The following PCDHA4 variants were observed in gnomAD, a reference collection of about 807,000 sequenced individuals.
PCDHA4 encodes the protein protocadherin alpha-4.
In PCDHA4, 49 loss-of-function variants were observed where a neutral mutation model predicts 61.4. That is an observed-to-expected ratio of 0.80 (90% CI 0.63 to 1.01). The LOEUF (loss-of-function observed/expected upper bound fraction) is 1.01. Among genes scored for constraint, PCDHA4 ranks in the 50% least tolerant of loss-of-function variants. PCDHA4 has a pLI of 0.00. For missense variants in PCDHA4, 1,254 were observed against 1,235.8 expected (o/e 1.01, Z -0.22); for synonymous variants, 590 against 550.3 (o/e 1.07, Z -1.01).
chr5:140,987,225 A>AT (rs1451600480), intron 3 of PCDHA4, among the ~76,000 whole-genome samples: 11 of 143,044 alleles, frequency 7.7e-5, no homozygotes, highest in Non-Finnish European at 1.0e-4. Context: ...AAAAAAAAAA[A>AT]AATAATAAAT....
At chr5:140,837,346 A>G (rs1387832105) in intron 1 of PCDHA4, among the ~76,000 whole-genome samples, 2 of 152,056 alleles carry the variant, frequency 1.3e-5, no homozygotes, top group African/African-American at 2.4e-5. Context: ...AATTTAAAAT[A>G]GTTTAAATGG....
intron 1 of PCDHA4, among the ~76,000 whole-genome samples, chr5:140,840,497 T>C (rs2150307403): frequency 3.9e-5 from 6 of 152,088 alleles, no homozygotes; most frequent in African/African-American, 1.2e-4. Context: ...TTCTGGTAAA[T>C]ACTCACTTTT....
chr5:140,885,469 C>T (rs1338782835), intron 1 of PCDHA4, among the ~76,000 whole-genome samples: 1 of 152,156 alleles, frequency 6.6e-6, no homozygotes, highest in Admixed American at 6.5e-5. Flanking sequence ...GATGGGCAAT[C>T]ACTTTGTGTC....
chr5:140,882,656 C>T, intron 1 of PCDHA4: 1 of 1,614,192 alleles, frequency 6.2e-7, no homozygotes, highest in Non-Finnish European at 8.5e-7. Flanking sequence ...TAACGACAAC[C>T]CGCCCATATT....
chr5:140,875,410 ATACC>A (rs1259407256), intron 1 of PCDHA4: 2 of 1,502,000 alleles, frequency 1.3e-6, no homozygotes, highest in Non-Finnish European at 1.8e-6. Context: ...TGCTCATAAA[ATACC>A]TCAGGCAAGC....
intron 1 of PCDHA4, chr5:140,823,515 G>A: frequency 6.2e-7 from 1 of 1,613,500 alleles, no homozygotes; most frequent in Non-Finnish European, 8.5e-7. Context: ...GCGAGCTGGT[G>A]CCGAGGTCAG....
intron 1 of PCDHA4, chr5:140,876,494 T>C: frequency 1.2e-6 from 2 of 1,614,062 alleles, no homozygotes; most frequent in African/African-American, 1.3e-5. Flanking sequence ...GTGGAAGTTC[T>C]GGACGTGAAT....
intron 1 of PCDHA4, chr5:140,848,367 G>T: frequency 9.1e-7 from 1 of 1,100,452 alleles, no homozygotes; most frequent in Non-Finnish European, 1.3e-6. Context: ...TGGGAAAGAG[G>T]CTCAATTCTT....
intron 1 of PCDHA4, chr5:140,822,035 C>T (rs2150113040): frequency 6.2e-7 from 1 of 1,614,202 alleles, no homozygotes; most frequent in South Asian, 1.1e-5. Context: ...TTTGTGAATT[C>T]TCGGATCGAC....
In PCDHA4 at chr5:140,825,506, T is replaced by C. The variant is rs151143740; in HGVS notation, c.2385+15934T>C. On this transcript the variant is annotated intron_variant, in intron 1 of 3. Coordinates refer to ENST00000530339, the MANE Select transcript of PCDHA4 (RefSeq NM_018907.4). ...TGCCCAAACGAGTGCAATGGTACAA[T>C]CTTGGCCTCCCAGGTTCAAGCGATT... 1.1e-4 allele frequency: 17 copies of C among 151,094 alleles called. No homozygotes were observed. The East Asian group carries it at 3.3e-3, about 29-fold the overall frequency. 9.4% of individuals were successfully genotyped at this position (151,094 alleles called of 1,614,324 possible). A position where few individuals can be genotyped will look rare whatever the true frequency, so the allele number is the denominator to read the frequency against.
intron 1 of PCDHA4, chr5:140,968,552 C>T (rs370640529): frequency 1.2e-6 from 2 of 1,614,184 alleles, no homozygotes; most frequent in Non-Finnish European, 1.7e-6. Flanking sequence ...GATGGTGCCT[C>T]GAACTGCCCC....
chr5:140,843,514 G>T lies in PCDHA4; in HGVS notation c.2385+33942G>T, dbSNP rs2150361625. 18 of 1,595,918 alleles carry T rather than the reference G, an allele frequency of 1.1e-5. 2 individuals carry two copies. Among genetic ancestry groups the T allele is most frequent in the Non-Finnish European group, 1.5e-5 (18 of 1,165,532 alleles). The stretch of plus-strand genomic sequence containing the variant: ...GCTCAGCACTGCCCACTGAGGGCGG[G>T]TGCCGGGCGGGCAAGCCCACTCTGG... On this transcript the variant is annotated intron_variant, in intron 1 of 3. Coordinates refer to ENST00000530339, the MANE Select transcript of PCDHA4 (RefSeq NM_018907.4).
intron 1 of PCDHA4, chr5:140,828,692 G>A (rs1373122002): frequency 1.2e-6 from 2 of 1,614,198 alleles, no homozygotes; most frequent in Non-Finnish European, 1.7e-6. Flanking sequence ...GAAATCCTTG[G>A]ACAGAGAGGA....
In PCDHA4 at chr5:140,992,699, T is replaced by A. The variant is rs149489820; in HGVS notation, c.2533+10136T>A. Among the ~76,000 whole-genome samples the A allele has an allele frequency of 7.6e-3, 1,153 of 152,282 alleles. 6 individuals carry two copies. The highest frequency in any genetic ancestry group is 0.014 in the Middle Eastern group (4 of 294). On this transcript the variant is annotated intron_variant, in intron 3 of 3. Transcript: ENST00000530339. ...GTGTTAGGGGTTGAGGGGTGGGTAA[T>A]GTTCCTGCCAGTATTCGTAAATCCC...
In PCDHA4 at chr5:140,857,461, C is replaced by T. The variant is rs1554150068; in HGVS notation, c.2385+47889C>T. 9 of 1,598,524 alleles carry T rather than the reference C, an allele frequency of 5.6e-6. 1 individual carries two copies. Among genetic ancestry groups the T allele is most frequent in the Non-Finnish European group, 7.7e-6 (9 of 1,167,928 alleles). On this transcript the variant is annotated intron_variant, in intron 1 of 3. Transcript: ENST00000530339. ...TGAAGGAGAACAACCCGCCAGGCTG[C>T]CACATCTTCACGGTGTCTGCGTGGG...
At chr5:140,836,331 C>A (rs2150258002) in intron 1 of PCDHA4, 4 of 1,613,758 alleles carry the variant, frequency 2.5e-6, no homozygotes, top group South Asian at 1.1e-5. Flanking sequence ...CCTTCTGGTG[C>A]TTGTGAAGGA....
intron 1 of PCDHA4, chr5:140,884,468 C>T (rs925441051): frequency 2.5e-6 from 4 of 1,613,762 alleles, no homozygotes; most frequent in Non-Finnish European, 3.4e-6. Flanking sequence ...CGCGTGCGCG[C>T]CGGGCAAGCC....
At chr5:140,928,123 T>C in intron 1 of PCDHA4, 1 of 1,614,200 alleles carries the variant, frequency 6.2e-7, no homozygotes, top group Non-Finnish European at 8.5e-7. Context: ...GATCAGTGAA[T>C]ACCAAGTCCT....
chr5:141,009,709 C>T lies in PCDHA4; in HGVS notation c.2616C>T (p.Asn872=). The part of the protein sequence containing the change: ...NSWTFKYGPG[N]PKQSGPGELP... ...GGACCTTTAAATACGGACCAGGCAA[C>T]CCCAAACAATCCGGTCCCGGTGAGT... The change falls in exon 4 of 4, where the codon AAC becomes AAT. Residue 872 remains asparagine (N), a synonymous_variant. Coordinates refer to ENST00000530339, the MANE Select transcript of PCDHA4 (RefSeq NM_018907.4). 1 of 1,614,118 alleles carries T rather than the reference C, an allele frequency of 6.2e-7. No homozygotes were observed. Among genetic ancestry groups the T allele is most frequent in the Non-Finnish European group, 8.5e-7 (1 of 1,180,024 alleles).
Sources: gnomAD v4.1 joint callset for allele counts (sites outside exome capture counted in the v4.1 genomes callset) on GRCh38, gnomAD v4.1.1 for gene constraint, MANE v1.5 for transcripts, NCBI Gene and HGNC (gene_info 2026-07-23, HGNC 2026-07-21) for gene names.